Variants in POU6F2 observed in about 807,000 individuals in gnomAD.
POU6F2 encodes the protein POU domain, class 6, transcription factor 2.
A neutral mutation model predicts 71.3 loss-of-function variants in POU6F2; 31 were observed. That is an observed-to-expected ratio of 0.43 (90% CI 0.33 to 0.59). POU6F2 has a LOEUF of 0.59. Ranked by LOEUF, POU6F2 falls within the 20% of genes least tolerant of loss-of-function variation. The pLI is 0.04. For synonymous variants in POU6F2, 347 were observed against 355.7 expected (o/e 0.98, Z 0.27); for missense variants, 783 against 856.8 (o/e 0.91, Z 1.07).
At chr7:39,400,995 C>T (rs1299499167) in intron 5 of POU6F2, among the ~76,000 whole-genome samples, 1 of 152,144 alleles carries the variant, frequency 6.6e-6, no homozygotes, top group Non-Finnish European at 1.5e-5. Flanking sequence ...AAGCCAGAGT[C>T]CCTGCTGGTG....
intron 7 of POU6F2, among the ~76,000 whole-genome samples, chr7:39,443,514 T>A (rs564771413): frequency 1.6e-4 from 24 of 152,248 alleles, no homozygotes; most frequent in Non-Finnish European, 3.2e-4. Flanking sequence ...ATGGTGAACC[T>A]GGTCAGAAAT....
intron 2 of POU6F2, among the ~76,000 whole-genome samples, chr7:39,154,787 C>T (rs1221123085): frequency 1.3e-5 from 2 of 152,122 alleles, no homozygotes; most frequent in Non-Finnish European, 2.9e-5. Flanking sequence ...GATGACTGCC[C>T]TGGCTCAAGG....
chr7:39,056,412 A>G (rs1229848815), intron 1 of POU6F2, among the ~76,000 whole-genome samples: 1 of 152,118 alleles, frequency 6.6e-6, no homozygotes, highest in Non-Finnish European at 1.5e-5. Flanking sequence ...AAAAATGTAT[A>G]ACAATATATT....
intron 2 of POU6F2, among the ~76,000 whole-genome samples, chr7:39,161,201 T>G (rs1792990457): frequency 6.6e-6 from 1 of 152,206 alleles, no homozygotes; most frequent in South Asian, 2.1e-4. Context: ...TTTTCTCCTG[T>G]TTGCCTTTTC....
intron 2 of POU6F2, among the ~76,000 whole-genome samples, chr7:39,117,996 G>A (rs538167947): frequency 6.6e-6 from 1 of 152,186 alleles, no homozygotes; most frequent in Non-Finnish European, 1.5e-5. Flanking sequence ...GTTCACCAAT[G>A]GAGAAGTTGA....
At chr7:39,012,855 A>G (rs1241342983) in intron 1 of POU6F2, among the ~76,000 whole-genome samples, 14 of 152,074 alleles carry the variant, frequency 9.2e-5, no homozygotes, top group South Asian at 2.1e-4. Flanking sequence ...GGGGTCAGGG[A>G]CCCACTTGAG....
In POU6F2 at chr7:39,312,668, G is replaced by A. The variant is rs115028456; in HGVS notation, c.599-26974G>A. The stretch of plus-strand genomic sequence containing the variant: ...ACTTCACTGCTTCTCTTTGGCAAAT[G>A]TGAATGGCCAGCATCACTACTCTTG... On this transcript the variant is annotated intron_variant, in intron 4 of 9. Transcript: ENST00000518318. Among the ~76,000 whole-genome samples the A allele has an allele frequency of 4.3e-3, 649 of 152,282 alleles. 3 individuals carry two copies. The highest frequency in any genetic ancestry group is 0.015 in the African/African-American group (622 of 41,550).
intron 4 of POU6F2, among the ~76,000 whole-genome samples, chr7:39,339,082 T>TAAAA (rs1554344614): frequency 1.2e-3 from 176 of 144,036 alleles, no homozygotes; most frequent in African/African-American, 4.5e-3. Context: ...TTTGAATTTT[T>TAAAA]AAAAAAAAAA....
At chr7:39,025,989 A>T (rs1158698445) in intron 1 of POU6F2, among the ~76,000 whole-genome samples, 1 of 152,258 alleles carries the variant, frequency 6.6e-6, no homozygotes, top group Admixed American at 6.5e-5. Context: ...GCCAAAAGAC[A>T]CATGAAACAA....
At chr7:39,137,947 A>T in intron 2 of POU6F2, among the ~76,000 whole-genome samples, 1 of 152,212 alleles carries the variant, frequency 6.6e-6, no homozygotes. Context: ...GCCTACACCT[A>T]ACTTGAGGAC....
chr7:38,998,505 A>G (rs1788804555), intron 1 of POU6F2, among the ~76,000 whole-genome samples: 1 of 152,192 alleles, frequency 6.6e-6, no homozygotes, highest in Non-Finnish European at 1.5e-5. Context: ...AAATATTTTG[A>G]TATTTATTGA....
chr7:39,197,448 C>T (rs139022064), intron 2 of POU6F2, among the ~76,000 whole-genome samples: 51 of 152,304 alleles, frequency 3.3e-4, no homozygotes, highest in South Asian at 6.2e-4. Context: ...TGCACTGATC[C>T]CCACAAATTA....
chr7:39,305,200 A>G (rs1243752520), intron 4 of POU6F2, among the ~76,000 whole-genome samples: 2 of 152,234 alleles, frequency 1.3e-5, no homozygotes, highest in African/African-American at 4.8e-5. Context: ...CTTCACAGGC[A>G]CTTTACTTAA....
intron 1 of POU6F2, among the ~76,000 whole-genome samples, chr7:39,014,047 G>A (rs1193096172): frequency 6.6e-6 from 1 of 152,112 alleles, no homozygotes; most frequent in Non-Finnish European, 1.5e-5. Flanking sequence ...AGCTTTTACT[G>A]GCTCATGTGT....
At chr7:39,136,499 G>A (rs1340821104) in intron 2 of POU6F2, among the ~76,000 whole-genome samples, 1 of 152,140 alleles carries the variant, frequency 6.6e-6, no homozygotes, top group Non-Finnish European at 1.5e-5. Flanking sequence ...AGAAAACAGT[G>A]GGAATGTTAA....
chr7:39,369,144 A>T (rs890619464), intron 5 of POU6F2, among the ~76,000 whole-genome samples: 1 of 152,180 alleles, frequency 6.6e-6, no homozygotes, highest in African/African-American at 2.4e-5. Context: ...GTGACAACAA[A>T]GGATTTAGAA....
intron 4 of POU6F2, among the ~76,000 whole-genome samples, chr7:39,335,147 A>G (rs1306565052): frequency 1.3e-5 from 2 of 152,106 alleles, no homozygotes; most frequent in South Asian, 2.1e-4. Flanking sequence ...AGTGGTATGA[A>G]TAACATGTAC....
chr7:39,247,235 G>A (rs1480524343), intron 4 of POU6F2, among the ~76,000 whole-genome samples: 1 of 152,070 alleles, frequency 6.6e-6, no homozygotes, highest in East Asian at 1.9e-4. Flanking sequence ...TTGGGAGGCT[G>A]AGGCAAGTGG....
At chr7:39,398,198 G>T (rs1041242786) in intron 5 of POU6F2, among the ~76,000 whole-genome samples, 1 of 152,010 alleles carries the variant, frequency 6.6e-6, no homozygotes, top group Admixed American at 6.6e-5. Context: ...TGGATGCCTG[G>T]CACTGTTGAA....
Sources: gnomAD v4.1 joint callset for allele counts (sites outside exome capture counted in the v4.1 genomes callset) on GRCh38, gnomAD v4.1.1 for gene constraint, MANE v1.5 for transcripts, NCBI Gene and HGNC (gene_info 2026-07-23, HGNC 2026-07-21) for gene names.